KLF15: variants seen among roughly 807,000 people sequenced by gnomAD.
KLF15 encodes the protein Krueppel-like factor 15.
Under a neutral mutation model 24.6 loss-of-function variants are expected in KLF15, and 4 were observed. That is an observed-to-expected ratio of 0.16 (90% CI 0.08 to 0.37). The LOEUF (loss-of-function observed/expected upper bound fraction) is 0.37. KLF15 is among the 10% of genes least tolerant of loss of function. The pLI is 1.00. For synonymous variants in KLF15, 246 were observed against 236.3 expected (o/e 1.04, Z -0.37); for missense variants, 496 against 560.6 (o/e 0.88, Z 1.16).
chr3:126,346,498 ACT>A (rs747776236), intron 2 of KLF15, among the ~76,000 whole-genome samples: 2 of 151,642 alleles, frequency 1.3e-5, no homozygotes, highest in Non-Finnish European at 2.9e-5. Context: ...TCCAATGAAG[ACT>A]CTGGCATTCC....
chr3:126,338,097 T>C (rs773481637), downstream of KLF15, among the ~76,000 whole-genome samples: 2 of 152,206 alleles, frequency 1.3e-5, no homozygotes, highest in Non-Finnish European at 2.9e-5. Context: ...CCACTGCACC[T>C]TGGTAGCTTT....
chr3:126,329,684 G>A, the KLF15 span, among the ~76,000 whole-genome samples: 1 of 147,270 alleles, frequency 6.8e-6, no homozygotes, highest in East Asian at 2.0e-4. Context: ...CTTTGGATTT[G>A]TACTGGAATT....
the KLF15 span, among the ~76,000 whole-genome samples, chr3:126,335,463 T>TCC: frequency 6.8e-6 from 1 of 146,938 alleles, no homozygotes; most frequent in Non-Finnish European, 1.5e-5. Context: ...CCACAGCCAA[T>TCC]ATCATACTGA....
At chr3:126,304,258 A>G in the KLF15 span, among the ~76,000 whole-genome samples, 1 of 152,132 alleles carries the variant, frequency 6.6e-6, no homozygotes, top group African/African-American at 2.4e-5. Context: ...CATCTTTCGG[A>G]TTTGTTATCG....
the KLF15 span, among the ~76,000 whole-genome samples, chr3:126,337,443 G>C: frequency 2.6e-5 from 3 of 114,934 alleles, no homozygotes; most frequent in South Asian, 1.2e-3. Flanking sequence ...GGGGGAGGGG[G>C]GAGGGATAGC....
chr3:126,304,257 G>C, the KLF15 span, among the ~76,000 whole-genome samples: 4 of 152,126 alleles, frequency 2.6e-5, no homozygotes, highest in Non-Finnish European at 5.9e-5. Flanking sequence ...TCATCTTTCG[G>C]ATTTGTTATC....
chr3:126,344,047 C>T (rs2082509823), intron 2 of KLF15, 152 bp from the exon 3 acceptor site: 1 of 735,912 alleles, frequency 1.4e-6, no homozygotes, highest in Non-Finnish European at 2.1e-6. Flanking sequence ...AGGGGAGGGT[C>T]CCCCATCTAC....
At chr3:126,348,748 G>C (rs959155005) in intron 2 of KLF15, among the ~76,000 whole-genome samples, 5 of 152,240 alleles carry the variant, frequency 3.3e-5, no homozygotes, top group Admixed American at 3.3e-4. Flanking sequence ...AGGGAGGCCA[G>C]CGTGGCTGGA....
At chr3:126,300,250 C>T in the KLF15 span, among the ~76,000 whole-genome samples, 4 of 152,178 alleles carry the variant, frequency 2.6e-5, no homozygotes, top group East Asian at 7.7e-4. Context: ...CCATCCGACC[C>T]CTGAGCGGCT....
chr3:126,301,878 G>A, the KLF15 span, among the ~76,000 whole-genome samples: 1 of 151,756 alleles, frequency 6.6e-6, no homozygotes, highest in East Asian at 1.9e-4. Flanking sequence ...GCCTCCCAAA[G>A]TGCTGGGATT....
the KLF15 span, among the ~76,000 whole-genome samples, chr3:126,315,745 A>G: frequency 6.6e-6 from 1 of 152,200 alleles, no homozygotes; most frequent in South Asian, 2.1e-4. Context: ...ATGACTCCAA[A>G]TCACTTCAAG....
chr3:126,339,048 G>A (rs528116975), downstream of KLF15, among the ~76,000 whole-genome samples: 4 of 152,218 alleles, frequency 2.6e-5, no homozygotes, highest in Non-Finnish European at 5.9e-5. Flanking sequence ...GGAGAGCAGG[G>A]TGGAGCAGCA....
chr3:126,317,413 A>T, the KLF15 span, among the ~76,000 whole-genome samples: 1 of 152,088 alleles, frequency 6.6e-6, no homozygotes, highest in Non-Finnish European at 1.5e-5. Flanking sequence ...AGATAGAAAA[A>T]ACCTGAAACT....
chr3:126,298,361 T>C, the KLF15 span, among the ~76,000 whole-genome samples: 1 of 151,582 alleles, frequency 6.6e-6, no homozygotes, highest in Non-Finnish European at 1.5e-5. Context: ...TAGTCCTTTG[T>C]TGGATGTATA....
At chr3:126,334,389 A>C in the KLF15 span, among the ~76,000 whole-genome samples, 1 of 133,880 alleles carries the variant, frequency 7.5e-6, no homozygotes, top group African/African-American at 2.8e-5. Context: ...ACAAAGACAC[A>C]ACATACCAGA....
At chr3:126,331,970 G>A in the KLF15 span, among the ~76,000 whole-genome samples, 1 of 152,214 alleles carries the variant, frequency 6.6e-6, no homozygotes, top group South Asian at 2.1e-4. Flanking sequence ...AGATCAAACT[G>A]CAAGGCGCCA....
intron 1 of KLF15, among the ~76,000 whole-genome samples, chr3:126,355,042 G>T (rs900743775): frequency 6.6e-6 from 1 of 152,254 alleles, no homozygotes; most frequent in Non-Finnish European, 1.5e-5. Context: ...CACGGCAAAC[G>T]TTCGGCCTCT....
the KLF15 span, among the ~76,000 whole-genome samples, chr3:126,322,803 G>A: frequency 6.6e-6 from 1 of 152,204 alleles, no homozygotes; most frequent in Non-Finnish European, 1.5e-5. Context: ...TTGCACAACT[G>A]ATCAAGCCAG....
chr3:126,301,066 G>T, the KLF15 span, among the ~76,000 whole-genome samples: 23 of 152,124 alleles, frequency 1.5e-4, no homozygotes, highest in Admixed American at 1.3e-4. Context: ...GTTTCACTTC[G>T]CCTGCTGTGC....
Sources: gnomAD v4.1 joint callset for allele counts (sites outside exome capture counted in the v4.1 genomes callset) on GRCh38, gnomAD v4.1.1 for gene constraint, MANE v1.5 for transcripts, NCBI Gene and HGNC (gene_info 2026-07-23, HGNC 2026-07-21) for gene names.